The following MTOR variants were observed in gnomAD, a reference collection of about 807,000 sequenced individuals.
MTOR encodes the protein mechanistic target of rapamycin kinase, also known as serine/threonine-protein kinase mTOR.
MTOR carries 70 observed loss-of-function variants against 319.8 expected under a neutral mutation model. The ratio of observed to expected loss-of-function variants is 0.22; its 90% confidence interval spans 0.18 to 0.27. The LOEUF (loss-of-function observed/expected upper bound fraction) is 0.27, where lower values mean the gene tolerates loss of function less well. Ranked by LOEUF, MTOR falls within the 10% of genes least tolerant of loss-of-function variation. MTOR has a pLI of 1.00. For synonymous variants in MTOR, 1,183 were observed against 1,211.4 expected (o/e 0.98, Z 0.49); for missense variants, 1,890 against 3,274.4 (o/e 0.58, Z 10.32).
At chr1:11,108,494 A>C (rs547515648) in intron 56 of MTOR, among the ~76,000 whole-genome samples, 1 of 151,740 alleles carries the variant, frequency 6.6e-6, no homozygotes, top group South Asian at 2.1e-4. Context: ...CAGGCAGATC[A>C]CCTGAGGTCA....
rs766719767 is a variant in MTOR, at chr1:11,209,318, G to A, written c.3795C>T (p.Leu1265=). 3 of 1,614,164 alleles carry A rather than the reference G, an allele frequency of 1.9e-6. No individual in the cohort carries two copies. Among genetic ancestry groups the A allele is most frequent in the Non-Finnish European group, 2.5e-6 (3 of 1,180,030 alleles). ...MKKLHVSTIN[L]QKAWGAARRV... ...CCTGAAACAATGGACTTGCCTTTTG[G>A]AGGTTGATGGTGCTGACGTGCAGTT... is the stretch of plus-strand genomic sequence containing the variant. The change falls in exon 25 of 58, where the codon CTC becomes CTT. Residue 1265 remains leucine (L), a synonymous_variant. Coordinates refer to ENST00000361445, the MANE Select transcript of MTOR (RefSeq NM_004958.4).
chr1:11,259,689 C>T (rs770841319), intron 1 of MTOR, among the ~76,000 whole-genome samples: 3 of 152,060 alleles, frequency 2.0e-5, no homozygotes, highest in Non-Finnish European at 4.4e-5. Flanking sequence ...GGTTATATAC[C>T]TTGAGCAGTT....
At chr1:11,187,965 C>G (rs1645376694) in intron 28 of MTOR, among the ~76,000 whole-genome samples, 1 of 151,566 alleles carries the variant, frequency 6.6e-6, no homozygotes, top group Non-Finnish European at 1.5e-5. Context: ...TGATCCTCCA[C>G]TGCTTTTTGA....
At chr1:11,250,927 T>C (rs1208306298) in intron 6 of MTOR, among the ~76,000 whole-genome samples, 1 of 152,166 alleles carries the variant, frequency 6.6e-6, no homozygotes, top group Non-Finnish European at 1.5e-5. Context: ...CAGAATCCAG[T>C]TGCTTCTTGC....
intron 26 of MTOR, among the ~76,000 whole-genome samples, chr1:11,202,207 AT>A (rs1351474279): frequency 5.3e-5 from 8 of 152,126 alleles, no homozygotes; most frequent in Admixed American, 1.3e-4. Context: ...AGGTGGGCAG[AT>A]TGCGAGGTCA....
chr1:11,115,570 G>A lies in MTOR; in HGVS notation c.7017-102C>T, dbSNP rs1642121895. The A allele has an allele frequency of 9.2e-7, 1 of 1,085,558 alleles. No homozygotes were observed. The highest frequency in any genetic ancestry group is 1.4e-6 in the Non-Finnish European group (1 of 711,548). The allele number at this position is 1,085,558 out of a possible 1,614,324, so 67.2% of individuals were successfully genotyped here. ...GTAAGCTAGGAGTTGGCAAACGATA[G>A]CCCTCAGCCAATCCAGCCCCTCCAC... On this transcript the variant is annotated intron_variant, in intron 50 of 57. Coordinates refer to ENST00000361445, the MANE Select transcript of MTOR (RefSeq NM_004958.4). The surrounding 1 kb of genome is among the most constrained non-coding windows in gnomAD (Gnocchi z 4.5).
At chr1:11,233,625 T>A (rs1231510133) in intron 14 of MTOR, 138 bp from the exon 15 acceptor site, 2 of 667,198 alleles carry the variant, frequency 3.0e-6, no homozygotes, top group Non-Finnish European at 5.1e-6. Flanking sequence ...CCAAGATTTC[T>A]CTGGAATGTA....
At chr1:11,227,594 G>C (rs74593713) in intron 19 of MTOR, among the ~76,000 whole-genome samples, 4,527 of 151,956 alleles carry the variant, frequency 0.03, 173 homozygotes, top group Admixed American at 0.071. Flanking sequence ...GTGGTTGGTA[G>C]TAGTAGGGAC....
At chr1:11,225,853 T>C (rs1646818287) in intron 19 of MTOR, among the ~76,000 whole-genome samples, 1 of 152,208 alleles carries the variant, frequency 6.6e-6, no homozygotes, top group African/African-American at 2.4e-5. Flanking sequence ...AACAATTTCA[T>C]GTCAACAAGT....
Position 11,110,911 on chromosome 1 carries a change from T to A in MTOR, c.7367-1182A>T, listed in dbSNP as rs1241021361. 2.0e-4 allele frequency among the ~76,000 whole-genome samples: 30 copies of A among 152,210 alleles called. No homozygotes were observed. In the South Asian group the frequency reaches 2.3e-3, roughly 12 times the overall value. Reference sequence around the variant, plus strand: ...GCAGAACTGGCTGTCCTAGTTCCCTTCTGTATGCTACAGACAGCATATAGT... The same window carrying A: ...GCAGAACTGGCTGTCCTAGTTCCCTACTGTATGCTACAGACAGCATATAGT... On this transcript the variant is annotated intron_variant, in intron 54 of 57. Transcript: ENST00000361445.
At chr1:11,243,664 C>A (rs1435090493) in intron 8 of MTOR, among the ~76,000 whole-genome samples, 1 of 150,466 alleles carries the variant, frequency 6.6e-6, no homozygotes, top group Non-Finnish European at 1.5e-5. Flanking sequence ...TGCACTCAAG[C>A]CTGAGTGACA....
chr1:11,231,530 G>C, intron 16 of MTOR, 96 bp from the exon 17 acceptor site: 1 of 1,452,488 alleles, frequency 6.9e-7, no homozygotes, highest in Non-Finnish European at 9.3e-7. Context: ...AAGTGTTAGA[G>C]GCTGTAAGAA....
chr1:11,247,797 G>C (rs763872175), intron 7 of MTOR, 22 bp downstream of exon 7: 2 of 1,612,028 alleles, frequency 1.2e-6, no homozygotes, highest in Non-Finnish European at 1.7e-6. Context: ...GGAAAAGAGG[G>C]AAAGGGCCTC....
In MTOR at chr1:11,209,431, C is replaced by T; in HGVS notation, c.3682G>A (p.Asp1228Asn). The T allele has an allele frequency of 6.2e-7, 1 of 1,614,168 alleles. No homozygotes were observed. The highest frequency in any genetic ancestry group is 8.5e-7 in the Non-Finnish European group (1 of 1,180,024). Residue 1228 changes from aspartate to asparagine, a missense_variant, in exon 25 of 58, where the codon GAT becomes AAT. Physicochemically the swap from Asp to Asn is conservative, Grantham distance 23. Coordinates refer to ENST00000361445, the MANE Select transcript of MTOR (RefSeq NM_004958.4). The stretch of plus-strand genomic sequence containing the variant: ...ATCCGATGCTGGTAAATCAAAGGAT[C>T]CTCCTCTTCATCAGCAAGTGTGTAT... ...KGYTLADEEE[D>N]PLIYQHRMLR...
intron 17 of MTOR, 77 bp from the exon 18 acceptor site, chr1:11,231,131 C>A: frequency 6.2e-7 from 1 of 1,607,336 alleles, no homozygotes; most frequent in Non-Finnish European, 8.5e-7. Context: ...ATACTCCTCT[C>A]AGGTTACATA....
intron 29 of MTOR, among the ~76,000 whole-genome samples, chr1:11,166,811 C>T (rs60894742): frequency 0.03 from 4,538 of 152,210 alleles, 174 homozygotes; most frequent in Admixed American, 0.071. Context: ...TTTATTGCGG[C>T]ACTATTCACA....
At chr1:11,181,501 G>A (rs1193727942) in intron 28 of MTOR, among the ~76,000 whole-genome samples, 3 of 151,904 alleles carry the variant, frequency 2.0e-5, no homozygotes, top group Non-Finnish European at 2.9e-5. Flanking sequence ...CTCAAGCCTG[G>A]GCGACAGAGC....
chr1:11,235,131 G>A (rs1395921833), intron 13 of MTOR, among the ~76,000 whole-genome samples: 1 of 152,162 alleles, frequency 6.6e-6, no homozygotes, highest in East Asian at 1.9e-4. Context: ...AAATGAAGGG[G>A]ATACTGAGAA....
At chr1:11,254,125 TTTTA>T (rs1650053051) in intron 5 of MTOR, 152 bp from the exon 6 acceptor site, 10 of 893,272 alleles carry the variant, frequency 1.1e-5, no homozygotes, top group Non-Finnish European at 1.7e-5. Flanking sequence ...GATCAATCTC[TTTTA>T]TTTAATTCAG....
Sources: gnomAD v4.1 joint callset for allele counts (sites outside exome capture counted in the v4.1 genomes callset) on GRCh38, gnomAD v4.1.1 for gene constraint, Gnocchi (gnomAD v3.1) non-coding constraint, MANE v1.5 for transcripts, NCBI Gene and HGNC (gene_info 2026-07-23, HGNC 2026-07-21) for gene names.